ERCC2: variants seen among roughly 807,000 people sequenced by gnomAD.
ERCC2 encodes general transcription and DNA repair factor IIH helicase subunit XPD.
Under a neutral mutation model 99.4 loss-of-function variants are expected in ERCC2, and 90 were observed. The ratio of observed to expected loss-of-function variants is 0.91; its 90% confidence interval spans 0.76 to 1.08. ERCC2 has a LOEUF of 1.08. Among genes scored for constraint, ERCC2 ranks in the 50% least tolerant of loss-of-function variants. The pLI, the probability that ERCC2 is intolerant of heterozygous loss-of-function variation, is 0.00. For missense variants in ERCC2, 993 were observed against 1,038.1 expected, an observed-to-expected ratio of 0.96 and a Z score of 0.60; for synonymous variants, 497 against 432.4, an observed-to-expected ratio of 1.15 and a Z score of -1.85.
chr19:45,360,329 G>A (rs576809039), intron 12 of ERCC2, among the ~76,000 whole-genome samples: 15 of 148,612 alleles, frequency 1.0e-4, no homozygotes, highest in East Asian at 6.0e-4. Context: ...AGATCCGCCC[G>A]CCTCGGCCTC....
rs370523644 is a variant in ERCC2 at position 45,351,797 on chromosome 19, A to G, written c.2191-76T>C. The G allele has an allele frequency of 1.7e-3, 2,243 of 1,308,900 alleles. 57 individuals carry two copies. The South Asian group carries it at 0.026, about 15-fold the overall frequency. 81.1% of individuals were successfully genotyped at this position (1,308,900 alleles called of 1,614,324 possible). On this transcript the variant is annotated intron_variant, in intron 22 of 22. Transcript: ENST00000391945. ...AGGCAGCTGCTGCACTTCCCCAACC[A>G]CCCCCCCGAATGGCCAGTAGGGACA...
At position 45,363,968 on chromosome 19, in the gene ERCC2, CG is replaced by C. The variant is rs1568541875; in HGVS notation, c.949+17del. The C allele has an allele frequency of 5.3e-6, 8 of 1,514,056 alleles. No homozygotes were observed. Among genetic ancestry groups the C allele is most frequent in the Non-Finnish European group, 7.1e-6 (8 of 1,127,220 alleles). 93.8% of individuals were successfully genotyped at this position (1,514,056 alleles called of 1,614,324 possible). ...AGGCGGGAAAGGGACTGGGGGGCAG[CG>C]GGGGGTCGGGGCTCACCCTGCAGCA... On this transcript the variant is annotated intron_variant, in intron 10 of 22. Transcript: ENST00000391945.
intron 17 of ERCC2, 60 bp downstream of exon 17, chr19:45,354,670 T>G: frequency 1.2e-6 from 2 of 1,605,030 alleles, no homozygotes; most frequent in South Asian, 1.1e-5. Context: ...GAAGCTGACA[T>G]AGCGGTGCAG....
intron 12 of ERCC2, among the ~76,000 whole-genome samples, chr19:45,360,273 G>A (rs1280952763): frequency 3.0e-4 from 46 of 151,748 alleles, no homozygotes; most frequent in African/African-American, 9.9e-4. Context: ...TAGTAGAGAC[G>A]GAGTTTCACC....
chr19:45,350,502 C>T lies in ERCC2; in HGVS notation c.*1127G>A. 6.2e-7 allele frequency: 1 copy of T among 1,613,912 alleles called. No individual in the cohort carries two copies. Among genetic ancestry groups the T allele is most frequent in the Non-Finnish European group, 8.5e-7 (1 of 1,179,900 alleles). ...ATGTCCCCATCTCAGTGTCCCCCAT[C>T]TTTCCCCCTAGGTGCCCCCAACACA... On this transcript the variant is annotated 3_prime_UTR_variant, in exon 23 of 23. Transcript: ENST00000391945.
intron 12 of ERCC2, among the ~76,000 whole-genome samples, 163 bp downstream of exon 12, chr19:45,361,361 C>A (rs999329607): frequency 3.3e-5 from 5 of 152,106 alleles, no homozygotes; most frequent in African/African-American, 1.2e-4. Context: ...AAGGCTTACT[C>A]AAGAACTATG....
Position 45,352,392 on chromosome 19 carries a change from G to A in ERCC2, c.2047-40C>T, listed in dbSNP as rs375962773. ...GCAGGCCAGGGACAGAAGGTCATTC[G>A]GGGAGCCTGGGCCACTCTCCACCCT... On this transcript the variant is annotated intron_variant, in intron 21 of 22. Coordinates refer to ENST00000391945, the MANE Select transcript of ERCC2 (RefSeq NM_000400.4). 392 of 1,613,560 alleles carry A rather than the reference G, an allele frequency of 2.4e-4. 1 individual carries two copies. Among genetic ancestry groups the A allele is most frequent in the Admixed American group, 5.2e-4 (31 of 60,002 alleles).
In ERCC2 at chr19:45,352,285, T is replaced by C. The variant is rs140296400; in HGVS notation, c.2114A>G (p.Asn705Ser). 2.9e-4 allele frequency: 466 copies of C among 1,614,010 alleles called. No individual in the cohort carries two copies. Among genetic ancestry groups the C allele is most frequent in the Non-Finnish European group, 3.4e-4 (403 of 1,179,988 alleles). Residue 705 changes from asparagine to serine, a missense_variant, in exon 22 of 23, where the codon AAC (asparagine) becomes AGC (serine). Around this residue, in one of 3 missense-constraint regions of ERCC2, gnomAD observed 909 missense variants for 930.8 expected, o/e 0.98. Transcript: ENST00000391945. Reference protein sequence around the residue: ...RWIQEHLTDANLNLTVDEGVQ... With the variant: ...RWIQEHLTDASLNLTVDEGVQ... ...ACCCTCGTCCACGGTCAGGTTGAGG[T>C]TGGCATCTGTGAGGTGCTCCTGGAT... is the stretch of plus-strand genomic sequence containing the variant.
chr19:45,352,779 G>C lies in ERCC2; in HGVS notation c.1869C>G (p.Val623=). The C allele has an allele frequency of 6.2e-7, 1 of 1,613,842 alleles. No homozygotes were observed. The highest frequency in any genetic ancestry group is 8.5e-7 in the Non-Finnish European group (1 of 1,179,876). Residue 623 remains valine (V), a synonymous_variant, in exon 20 of 23, where the codon GTC becomes GTG. Transcript: ENST00000391945. The stretch of plus-strand genomic sequence containing the variant: ...TGCGGCTCTGTGTGTAGACGTAGGG[G>C]ACGCCAAACATGATGACGGCCCGCC... ...HYGRAVIMFG[V]PYVYTQSRIL... is the part of the protein sequence containing the mutation.
chr19:45,354,361 C>T (rs538464855), intron 17 of ERCC2, among the ~76,000 whole-genome samples: 2 of 152,332 alleles, frequency 1.3e-5, no homozygotes, highest in Admixed American at 1.3e-4. Context: ...ATTCCTCTAA[C>T]CCAGCTAGAG....
chr19:45,352,917 G>T, intron 19 of ERCC2, 101 bp from the exon 20 acceptor site: 1 of 1,277,390 alleles, frequency 7.8e-7, no homozygotes. Context: ...GTTGGGGGGA[G>T]AGGGTGTGTT....
At chr19:45,352,103 C>T (rs1293271656) in intron 22 of ERCC2, 106 bp downstream of exon 22, 3 of 1,289,088 alleles carry the variant, frequency 2.3e-6, no homozygotes, top group Non-Finnish European at 3.3e-6. Context: ...TTGCTGAGGG[C>T]AGGAGGACAG....
chr19:45,363,965 C>T (rs1326795653), intron 10 of ERCC2, 21 bp downstream of exon 10: 1 of 1,521,664 alleles, frequency 6.6e-7, no homozygotes, highest in South Asian at 1.2e-5. Context: ...GACTGGGGGG[C>T]AGCGGGGGGT....
chr19:45,370,500 C>A, intron 1 of ERCC2, 36 bp downstream of exon 1: 1 of 1,575,172 alleles, frequency 6.3e-7, no homozygotes, highest in Middle Eastern at 2.0e-4. Flanking sequence ...ACCCCCCGCG[C>A]CCGCTAGCGA....
At chr19:45,356,097 G>T (rs1005474068) in intron 15 of ERCC2, among the ~76,000 whole-genome samples, 1 of 152,114 alleles carries the variant, frequency 6.6e-6, no homozygotes, top group Non-Finnish European at 1.5e-5. Flanking sequence ...AGATGGAACC[G>T]GACCCGAGTC....
intron 5 of ERCC2, among the ~76,000 whole-genome samples, chr19:45,367,392 C>T (rs1031974238): frequency 2.8e-5 from 4 of 141,546 alleles, no homozygotes; most frequent in African/African-American, 1.0e-4. Context: ...CACACACACA[C>T]ACACACACAT....
At chr19:45,364,710 C>T in intron 7 of ERCC2, 128 bp downstream of exon 7, 4 of 1,258,294 alleles carry the variant, frequency 3.2e-6, no homozygotes, top group Non-Finnish European at 1.1e-6. Flanking sequence ...GATACGGGCA[C>T]CCACCAACAG....
intron 12 of ERCC2, among the ~76,000 whole-genome samples, chr19:45,360,401 G>C (rs1200989301): frequency 1.5e-5 from 2 of 133,944 alleles, no homozygotes; most frequent in Non-Finnish European, 3.1e-5. Flanking sequence ...TTTTTGAGAC[G>C]AAGTCTTGCT....
At chr19:45,370,037 G>T in intron 2 of ERCC2, 96 bp downstream of exon 2, 1 of 1,157,830 alleles carries the variant, frequency 8.6e-7, no homozygotes, top group Non-Finnish European at 1.3e-6. Context: ...CAGGGACCTC[G>T]GACTTCTAAA....
Sources: gnomAD v4.1 joint callset for allele counts (sites outside exome capture counted in the v4.1 genomes callset) on GRCh38, gnomAD v4.1.1 for gene constraint, gnomAD v4.1.1 regional missense constraint, MANE v1.5 for transcripts, NCBI Gene and HGNC (gene_info 2026-07-23, HGNC 2026-07-21) for gene names.